COL19A1: variants seen among roughly 807,000 people sequenced by gnomAD.
The protein encoded by COL19A1 is collagen type XIX alpha 1 chain.
COL19A1 carries 159 observed loss-of-function variants against 190.2 expected under a neutral mutation model. The ratio of observed to expected loss-of-function variants is 0.84; its 90% confidence interval spans 0.73 to 0.95. The LOEUF is 0.95. Ranked by LOEUF, COL19A1 falls within the 40% of genes least tolerant of loss-of-function variation. The pLI is 0.00. For missense variants in COL19A1, 1,418 were observed against 1,431.9 expected (o/e 0.99, Z 0.16); for synonymous variants, 509 against 458.9 (o/e 1.11, Z -1.39).
rs140296027 is a variant in COL19A1 at position 70,146,839 on chromosome 6, G to A, written c.1843G>A (p.Gly615Ser). ...KGERGLPGVH[G>S]SPGDIGPQGI... Reference sequence around the variant, plus strand: ...TGAAAGAGGACTTCCAGGTGTTCACGGTTCCCCAGGGGACATAGGCCCACA... The same window carrying A: ...TGAAAGAGGACTTCCAGGTGTTCACAGTTCCCCAGGGGACATAGGCCCACA... The change falls in exon 27 of 51, where the codon GGT (glycine) becomes AGT (serine). Residue 615 changes from glycine (G) to serine (S), a missense_variant. Coordinates refer to ENST00000620364, the MANE Select transcript of COL19A1 (RefSeq NM_001858.6). The A allele has an allele frequency of 2.2e-4, 346 of 1,597,494 alleles. No homozygotes were observed. The highest frequency in any genetic ancestry group is 1.3e-3 in the Middle Eastern group (8 of 5,972).
intron 9 of COL19A1, among the ~76,000 whole-genome samples, chr6:69,954,712 T>C (rs759057556): frequency 4.3e-4 from 65 of 152,068 alleles, no homozygotes; most frequent in Non-Finnish European, 5.9e-4. Context: ...TATTGCTTTC[T>C]TTTTATCCAA....
At chr6:70,181,013 T>C (rs1766143488) in intron 44 of COL19A1, among the ~76,000 whole-genome samples, 1 of 152,268 alleles carries the variant, frequency 6.6e-6, no homozygotes, top group Admixed American at 6.5e-5. Flanking sequence ...TCTTGGTTAC[T>C]GATCTGTGGT....
intron 18 of COL19A1, among the ~76,000 whole-genome samples, chr6:70,136,257 T>A (rs565746544): frequency 2.6e-5 from 4 of 152,188 alleles, no homozygotes; most frequent in Non-Finnish European, 5.9e-5. Context: ...TGTAGTAAAT[T>A]TATACTTGAA....
Position 69,882,664 on chromosome 6 carries a change from C to T in COL19A1, c.91+3006C>T, listed in dbSNP as rs944116757. Among the ~76,000 whole-genome samples, 11 of 152,070 alleles carry T rather than the reference C, an allele frequency of 7.2e-5. No homozygotes were observed. The East Asian group carries it at 1.9e-3, about 27-fold the overall frequency. On this transcript the variant is annotated intron_variant, in intron 2 of 50. Coordinates refer to ENST00000620364, the MANE Select transcript of COL19A1 (RefSeq NM_001858.6). Reference sequence around the variant, plus strand: ...AATGCTTTTTAAATAACACATTTTCCTTTCATTATGATAAATCTTCAGTTT... The same window carrying T: ...AATGCTTTTTAAATAACACATTTTCTTTTCATTATGATAAATCTTCAGTTT...
At chr6:70,040,478 C>G (rs1219452903) in intron 14 of COL19A1, among the ~76,000 whole-genome samples, 1 of 152,168 alleles carries the variant, frequency 6.6e-6, no homozygotes, top group East Asian at 1.9e-4. Flanking sequence ...TCCTCACTCT[C>G]TAATATATAA....
chr6:70,076,838 G>A (rs954455450), intron 15 of COL19A1, among the ~76,000 whole-genome samples: 18 of 152,258 alleles, frequency 1.2e-4, no homozygotes, highest in African/African-American at 4.1e-4. Context: ...CCAAAGTGGC[G>A]ATATGCTAAT....
rs535931710 is a variant in COL19A1, at chr6:70,020,794, A to G, written c.1027-2833A>G. 4.5e-4 allele frequency among the ~76,000 whole-genome samples: 68 copies of G among 152,276 alleles called. 1 individual carries two copies. The South Asian group carries it at 0.013, about 29-fold the overall frequency. On this transcript the variant is annotated intron_variant, in intron 11 of 50. Transcript: ENST00000620364. The stretch of plus-strand genomic sequence containing the variant: ...CTGCCCCCACAACAAAGAATTGTCA[A>G]TTGTACTGAGATTAAGGGACCTTAA...
intron 2 of COL19A1, among the ~76,000 whole-genome samples, chr6:69,898,164 T>C (rs1373646305): frequency 6.6e-6 from 1 of 152,206 alleles, no homozygotes; most frequent in Non-Finnish European, 1.5e-5. Context: ...ATCAATTTAG[T>C]TTAAAATGTT....
intron 9 of COL19A1, among the ~76,000 whole-genome samples, chr6:69,948,950 A>T (rs2150032862): frequency 6.6e-6 from 1 of 151,948 alleles, no homozygotes; most frequent in South Asian, 2.1e-4. Flanking sequence ...TCAGTTAATG[A>T]GTGTGTCTGT....
intron 11 of COL19A1, among the ~76,000 whole-genome samples, chr6:70,022,078 G>T (rs1270554104): frequency 6.6e-6 from 1 of 151,952 alleles, no homozygotes; most frequent in Non-Finnish European, 1.5e-5. Context: ...AGTGTGCAAA[G>T]GTATTTCTGT....
At chr6:70,115,585 A>G (rs1385640073) in intron 16 of COL19A1, among the ~76,000 whole-genome samples, 2 of 152,154 alleles carry the variant, frequency 1.3e-5, no homozygotes, top group Non-Finnish European at 2.9e-5. Context: ...CCTGGAGAGC[A>G]GGCAAGATAT....
At chr6:69,890,962 G>T in intron 2 of COL19A1, 1 of 225,930 alleles carries the variant, frequency 4.4e-6, no homozygotes, top group South Asian at 6.3e-5. Context: ...GCTGTTTTGG[G>T]GAAACGGAAG....
At chr6:70,203,310 C>A (rs1767662792) in intron 49 of COL19A1, among the ~76,000 whole-genome samples, 1 of 152,192 alleles carries the variant, frequency 6.6e-6, no homozygotes, top group Non-Finnish European at 1.5e-5. Context: ...CACCCTGCAT[C>A]AGTTCCAAAA....
In COL19A1 at chr6:70,144,983, A is replaced by G; in HGVS notation, c.1746A>G (p.Pro582=). The G allele has an allele frequency of 6.3e-7, 1 of 1,592,356 alleles. No individual in the cohort carries two copies. The highest frequency in any genetic ancestry group is 8.6e-7 in the Non-Finnish European group (1 of 1,167,758). The change falls in exon 25 of 51, where the codon CCA becomes CCG. Residue 582 remains proline, a synonymous_variant. Transcript: ENST00000620364. ...GTCCAAAAGGTGAGGCTGGTCCTCC[A>G]GGGAAAAGCCTGCCAGGGGAACCAG... The part of the protein sequence containing the change: ...LPGPKGEAGP[P]GKSLPGEPGL...
At chr6:70,160,984 A>C (rs778093042) in intron 34 of COL19A1, among the ~76,000 whole-genome samples, 2 of 152,176 alleles carry the variant, frequency 1.3e-5, no homozygotes, top group Non-Finnish European at 2.9e-5. Context: ...TTGTTGGCAA[A>C]TGTATCAAAG....
chr6:69,921,450 A>ATCATATATATCATATATTCATATAT (rs1771870547), intron 4 of COL19A1, among the ~76,000 whole-genome samples: 2 of 26,104 alleles, frequency 7.7e-5, no homozygotes, highest in African/African-American at 2.5e-4. Context: ...TATATCATAT[A>ATCATATATATCATATATTCATATAT]TCATATATAT....
intron 4 of COL19A1, among the ~76,000 whole-genome samples, chr6:69,926,993 T>A (rs1320562342): frequency 6.6e-6 from 1 of 152,050 alleles, no homozygotes; most frequent in Non-Finnish European, 1.5e-5. Flanking sequence ...GGAAAAAGAC[T>A]GTAAATCAAG....
Position 69,885,144 on chromosome 6 carries a change from G to A in COL19A1, c.91+5486G>A, listed in dbSNP as rs183922209. Among the ~76,000 whole-genome samples, 57 of 152,254 alleles carry A rather than the reference G, an allele frequency of 3.7e-4. No homozygotes were observed. In the East Asian group the frequency reaches 7.5e-3, roughly 20 times the overall value. ...CTCCCAAAGTGCTGGGATTATAGGC[G>A]TGAGCCACCGCGCTGGGCCCCTTTG... is the stretch of plus-strand genomic sequence containing the variant. On this transcript the variant is annotated intron_variant, in intron 2 of 50. Coordinates refer to ENST00000620364, the MANE Select transcript of COL19A1 (RefSeq NM_001858.6).
chr6:69,943,080 A>G (rs1434937628), intron 9 of COL19A1, among the ~76,000 whole-genome samples: 5 of 152,086 alleles, frequency 3.3e-5, no homozygotes, highest in Non-Finnish European at 7.4e-5. Context: ...CATTTAGATA[A>G]TAGCCATTCT....
Sources: gnomAD v4.1 joint callset for allele counts (sites outside exome capture counted in the v4.1 genomes callset) on GRCh38, gnomAD v4.1.1 for gene constraint, MANE v1.5 for transcripts, NCBI Gene and HGNC (gene_info 2026-07-23, HGNC 2026-07-21) for gene names.